Variants in LMX1A observed in about 807,000 individuals in gnomAD.
LMX1A encodes the protein LIM homeobox transcription factor 1-alpha.
Under a neutral mutation model 49.1 loss-of-function variants are expected in LMX1A, and 15 were observed. That is an observed-to-expected ratio of 0.31 (90% confidence interval 0.20 to 0.47). The LOEUF (loss-of-function observed/expected upper bound fraction) is 0.47. LMX1A is among the 20% of genes least tolerant of loss of function. The pLI is 1.00. For missense variants in LMX1A, 372 were observed against 475.8 expected, an observed-to-expected ratio of 0.78 and a Z score of 2.03; for synonymous variants, 167 against 185.7, an observed-to-expected ratio of 0.90 and a Z score of 0.82.
intron 3 of LMX1A, among the ~76,000 whole-genome samples, chr1:165,267,001 C>T (rs1192886148): frequency 6.6e-6 from 1 of 150,452 alleles, no homozygotes; most frequent in Admixed American, 6.6e-5. Context: ...TCCTTCTTTC[C>T]TTTATTTATT....
At chr1:165,217,153 G>C (rs983742375) in intron 4 of LMX1A, among the ~76,000 whole-genome samples, 1 of 152,146 alleles carries the variant, frequency 6.6e-6, no homozygotes, top group Non-Finnish European at 1.5e-5. Flanking sequence ...CCAACATGTA[G>C]AGCTGGTTTT....
intron 5 of LMX1A, chr1:165,211,483 G>C (rs1442754673): frequency 6.6e-6 from 1 of 152,368 alleles, no homozygotes; most frequent in Non-Finnish European, 1.5e-5. Context: ...GAAGAGAAGG[G>C]GCAAGAAGCA....
chr1:165,292,343 G>T (rs1185280676), intron 3 of LMX1A, among the ~76,000 whole-genome samples: 1 of 152,176 alleles, frequency 6.6e-6, no homozygotes, highest in African/African-American at 2.4e-5. Context: ...TTTGTTTTTA[G>T]TTTTAAAGAT....
At chr1:165,283,752 G>C (rs1298086117) in intron 3 of LMX1A, among the ~76,000 whole-genome samples, 1 of 152,186 alleles carries the variant, frequency 6.6e-6, no homozygotes, top group Non-Finnish European at 1.5e-5. Flanking sequence ...CACGTAGCAG[G>C]TTCTTAAAAC....
At chr1:165,236,818 A>G (rs1392363338) in intron 4 of LMX1A, among the ~76,000 whole-genome samples, 1 of 149,388 alleles carries the variant, frequency 6.7e-6, no homozygotes, top group Non-Finnish European at 1.5e-5. Flanking sequence ...CCAGACCATT[A>G]AATCCCTGAA....
intron 5 of LMX1A, chr1:165,212,709 G>A (rs1179301318): frequency 6.6e-6 from 1 of 151,986 alleles, no homozygotes; most frequent in Non-Finnish European, 1.5e-5. Context: ...TCAATAAATG[G>A]GCGCTGCTAT....
chr1:165,203,707 T>C lies in LMX1A; in HGVS notation c.*173A>G, dbSNP rs1420706635. The C allele has an allele frequency of 1.3e-5, 7 of 559,104 alleles. No homozygotes were observed. Among genetic ancestry groups the C allele is most frequent in the Non-Finnish European group, 2.3e-5 (7 of 309,150 alleles). 34.6% of individuals were successfully genotyped at this position (559,104 alleles called of 1,614,324 possible). On this transcript the variant is annotated 3_prime_UTR_variant, in exon 9 of 9. Transcript: ENST00000342310. ...ACATTAAACTATGCAATCCATAATG[T>C]ATTCAGTCTTTGGAAATGCTGAGCT...
intron 3 of LMX1A, among the ~76,000 whole-genome samples, chr1:165,281,738 GTGTGTGTA>G (rs1654156324): frequency 2.1e-5 from 3 of 144,434 alleles, no homozygotes; most frequent in Non-Finnish European, 3.0e-5. Context: ...TTTTGTGTGT[GTGTGTGTA>G]TGTGTGTGTG....
chr1:165,222,737 G>A (rs1365598704), intron 4 of LMX1A, among the ~76,000 whole-genome samples: 3 of 152,214 alleles, frequency 2.0e-5, no homozygotes, highest in South Asian at 4.1e-4. Flanking sequence ...TGAGCCCTTG[G>A]CTGAGACACC....
chr1:165,284,399 C>T (rs1260410366), intron 3 of LMX1A, among the ~76,000 whole-genome samples: 11 of 152,196 alleles, frequency 7.2e-5, no homozygotes, highest in Non-Finnish European at 1.6e-4. Context: ...AGAATAGGAG[C>T]TGACGAAGGA....
intron 4 of LMX1A, among the ~76,000 whole-genome samples, chr1:165,232,933 G>T (rs1652285456): frequency 6.6e-6 from 1 of 152,134 alleles, no homozygotes; most frequent in South Asian, 2.1e-4. Context: ...CCACTTCTTG[G>T]ACTTCCTAAC....
chr1:165,251,650 A>G (rs1038902101), intron 3 of LMX1A, among the ~76,000 whole-genome samples: 4 of 152,028 alleles, frequency 2.6e-5, no homozygotes, highest in Non-Finnish European at 2.9e-5. Flanking sequence ...AAAATTACTC[A>G]TTTCCTACCT....
rs1321973067 is a variant in LMX1A at position 165,203,687 on chromosome 1, A to AG, written c.*192_*193insC. The AG allele has an allele frequency of 4.1e-6, 2 of 487,966 alleles. No individual in the cohort carries two copies. The highest frequency in any genetic ancestry group is 7.4e-6 in the Non-Finnish European group (2 of 270,842). 30.2% of individuals were successfully genotyped at this position (487,966 alleles called of 1,614,324 possible). A position where few individuals can be genotyped will look rare whatever the true frequency, so the allele number is the denominator to read the frequency against. ...TGCTAAGACTCTTATTAGAAACATTAAACTATGCAATCCATAATGTATTCA... is the reference window on the plus strand; with the variant it reads ...TGCTAAGACTCTTATTAGAAACATTAGAACTATGCAATCCATAATGTATTCA... On this transcript the variant is annotated 3_prime_UTR_variant, in exon 9 of 9. Coordinates refer to ENST00000342310, the MANE Select transcript of LMX1A (RefSeq NM_177398.4).
intron 3 of LMX1A, among the ~76,000 whole-genome samples, chr1:165,261,414 T>C (rs1653436428): frequency 6.6e-6 from 1 of 152,142 alleles, no homozygotes; most frequent in African/African-American, 2.4e-5. Context: ...TGTAGAGAAA[T>C]TGGAACTCTT....
intron 4 of LMX1A, among the ~76,000 whole-genome samples, chr1:165,230,618 C>T (rs761256770): frequency 5.9e-5 from 9 of 152,230 alleles, no homozygotes; most frequent in Non-Finnish European, 1.2e-4. Context: ...ACTTACCCTC[C>T]AGCTGCCCCT....
intron 4 of LMX1A, among the ~76,000 whole-genome samples, chr1:165,230,342 AATTTT>A (rs1652196084): frequency 6.6e-6 from 1 of 152,196 alleles, no homozygotes; most frequent in Non-Finnish European, 1.5e-5. Flanking sequence ...TGTCTAATTT[AATTTT>A]ATTATAGTGG....
intron 3 of LMX1A, among the ~76,000 whole-genome samples, chr1:165,278,160 C>G (rs1013579465): frequency 1.3e-5 from 2 of 152,206 alleles, no homozygotes; most frequent in African/African-American, 4.8e-5. Context: ...AATTCAAACT[C>G]AGGCCACTTG....
Position 165,225,419 on chromosome 1 carries a change from T to C in LMX1A, c.497-11606A>G, listed in dbSNP as rs552533230. On this transcript the variant is annotated intron_variant, in intron 4 of 8. Coordinates refer to ENST00000342310, the MANE Select transcript of LMX1A (RefSeq NM_177398.4). ...TTATGGTTATTTCCCTTAGGTGAAA[T>C]TGAGTGTCTCAAGATGATCTTAATG... Among the ~76,000 whole-genome samples the C allele has an allele frequency of 6.6e-5, 10 of 152,330 alleles. 1 individual carries two copies. Among genetic ancestry groups the C allele is most frequent in the African/African-American group, 2.4e-4 (10 of 41,578 alleles).
At chr1:165,246,095 T>C (rs548804235) in intron 4 of LMX1A, among the ~76,000 whole-genome samples, 2 of 152,290 alleles carry the variant, frequency 1.3e-5, no homozygotes, top group East Asian at 3.9e-4. Flanking sequence ...ATCCTAAAGT[T>C]GTTTGCTTTC....
Sources: allele counts gnomAD v4.1 joint callset (sites outside exome capture counted in the v4.1 genomes callset), GRCh38; gene constraint gnomAD v4.1.1; transcripts MANE v1.5; gene names NCBI Gene and HGNC (gene_info 2026-07-23, HGNC 2026-07-21).